ZNF385D: variants seen among roughly 807,000 people sequenced by gnomAD.
The protein encoded by ZNF385D is zinc finger protein 385D.
In ZNF385D, 15 loss-of-function variants were observed where a neutral mutation model predicts 35.8. The observed-to-expected ratio is 0.42, with a 90% CI of 0.28 to 0.64. The LOEUF (loss-of-function observed/expected upper bound fraction) is 0.64. Ranked by LOEUF, ZNF385D falls within the 30% of genes least tolerant of loss-of-function variation. The pLI, the probability that ZNF385D is intolerant of heterozygous loss-of-function variation, is 0.23. For missense variants in ZNF385D, 474 were observed against 494.6 expected (o/e 0.96, Z 0.39); for synonymous variants, 212 against 186.8 (o/e 1.13, Z -1.10).
chr3:22,303,931 C>T (rs1287263166), intron 2 of ZNF385D, among the ~76,000 whole-genome samples: 1 of 152,126 alleles, frequency 6.6e-6, no homozygotes, highest in Non-Finnish European at 1.5e-5. Context: ...GCATGTGCCA[C>T]CACGCCCGGC....
At chr3:22,128,324 T>A (rs1161854208) in intron 3 of ZNF385D, among the ~76,000 whole-genome samples, 2 of 152,164 alleles carry the variant, frequency 1.3e-5, no homozygotes, top group African/African-American at 4.8e-5. Flanking sequence ...TTTCCCTTAT[T>A]CTTGACTTTT....
At chr3:22,205,723 A>T (rs558218234) in intron 2 of ZNF385D, among the ~76,000 whole-genome samples, 2 of 152,110 alleles carry the variant, frequency 1.3e-5, no homozygotes, top group African/African-American at 4.8e-5. Context: ...TGCAAGCCCC[A>T]TGGTAACTCC....
intron 2 of ZNF385D, among the ~76,000 whole-genome samples, chr3:22,242,101 G>C (rs1699530009): frequency 6.6e-6 from 1 of 150,704 alleles, no homozygotes; most frequent in African/African-American, 2.5e-5. Context: ...GGGAGGGATA[G>C]CACTGGGAGA....
chr3:22,282,064 C>T (rs1013663164), intron 2 of ZNF385D, among the ~76,000 whole-genome samples: 2 of 151,836 alleles, frequency 1.3e-5, no homozygotes, highest in Non-Finnish European at 1.5e-5. Context: ...TGGACGATCC[C>T]TTGTATTTCT....
At chr3:21,901,476 T>C (rs1040362003) in intron 3 of ZNF385D, among the ~76,000 whole-genome samples, 1 of 152,170 alleles carries the variant, frequency 6.6e-6, no homozygotes, top group African/African-American at 2.4e-5. Flanking sequence ...GTAATAATAG[T>C]GTGGGAGTAG....
intron 3 of ZNF385D, among the ~76,000 whole-genome samples, chr3:21,521,769 G>A (rs969050016): frequency 1.3e-5 from 2 of 151,800 alleles, no homozygotes; most frequent in Admixed American, 6.6e-5. Context: ...CCCCAAAAAC[G>A]TCTCTATAAA....
chr3:21,907,075 G>A (rs1296913798), intron 3 of ZNF385D, among the ~76,000 whole-genome samples: 1 of 152,026 alleles, frequency 6.6e-6, no homozygotes, highest in Non-Finnish European at 1.5e-5. Context: ...TAGGCCATTT[G>A]AAAACACATT....
At chr3:21,825,822 A>C (rs1478908628) in intron 3 of ZNF385D, among the ~76,000 whole-genome samples, 3 of 152,206 alleles carry the variant, frequency 2.0e-5, no homozygotes, top group Non-Finnish European at 4.4e-5. Context: ...CTCGCTTGTT[A>C]GGAACCAGGC....
In ZNF385D at chr3:21,896,677, C is replaced by T. The variant is rs7611023; in HGVS notation, c.326-231649G>A. ...AAATTACAGTATTATTTTTCTGATG[C>T]AATGATGCATGGATATGAGAGACGC... On this transcript the variant is annotated intron_variant, in intron 3 of 5. Coordinates refer to the ZNF385D transcript ENST00000494108. Among the ~76,000 whole-genome samples the T allele has an allele frequency of 6.8e-3, 1,037 of 152,168 alleles. 11 individuals are homozygous for T. The highest frequency in any genetic ancestry group is 0.024 in the African/African-American group (983 of 41,512).
chr3:22,112,020 C>T (rs1488234988), intron 3 of ZNF385D, among the ~76,000 whole-genome samples: 1 of 152,056 alleles, frequency 6.6e-6, no homozygotes, highest in Non-Finnish European at 1.5e-5. Context: ...GACATTTTAC[C>T]CTGCTCTACT....
intron 3 of ZNF385D, among the ~76,000 whole-genome samples, chr3:21,944,177 C>A (rs912014181): frequency 6.6e-6 from 1 of 152,182 alleles, no homozygotes; most frequent in Non-Finnish European, 1.5e-5. Flanking sequence ...ACTTACCCAG[C>A]AGCATTGCAC....
At position 21,489,592 on chromosome 3, in the gene ZNF385D, C is replaced by G. The variant is rs114691382; in HGVS notation, c.439+21269G>C. Among the ~76,000 whole-genome samples the G allele has an allele frequency of 5.5e-3, 838 of 152,244 alleles. 7 individuals are homozygous for G. Among genetic ancestry groups the G allele is most frequent in the Admixed American group, 8.0e-3 (122 of 15,274 alleles). Reference sequence around the variant, plus strand: ...CTATCTATTTTTAGACATGTGATGTCAAACCAACCAATTGATGCAGTCATT... The same window carrying G: ...CTATCTATTTTTAGACATGTGATGTGAAACCAACCAATTGATGCAGTCATT... On this transcript the variant is annotated intron_variant, in intron 4 of 7. Transcript: ENST00000281523.
intron 2 of ZNF385D, among the ~76,000 whole-genome samples, chr3:22,199,747 G>C (rs995822507): frequency 6.6e-6 from 1 of 152,052 alleles, no homozygotes; most frequent in Non-Finnish European, 1.5e-5. Context: ...TCTAAATGAG[G>C]TATGGCTAAC....
At chr3:22,135,837 C>A (rs902841543) in intron 3 of ZNF385D, among the ~76,000 whole-genome samples, 13 of 151,994 alleles carry the variant, frequency 8.6e-5, no homozygotes, top group Admixed American at 3.9e-4. Context: ...ACAAGTACAG[C>A]CAACTGATAC....
At chr3:22,111,600 C>A (rs1306924198) in intron 3 of ZNF385D, among the ~76,000 whole-genome samples, 1 of 152,108 alleles carries the variant, frequency 6.6e-6, no homozygotes. Flanking sequence ...TCAACCATTG[C>A]TGATTCCCTA....
At chr3:21,701,542 C>T (rs1007192075) in intron 1 of ZNF385D, among the ~76,000 whole-genome samples, 2 of 152,198 alleles carry the variant, frequency 1.3e-5, no homozygotes, top group South Asian at 4.2e-4. Flanking sequence ...AATCTCATGT[C>T]CTCACATTTC....
intron 3 of ZNF385D, among the ~76,000 whole-genome samples, chr3:22,132,288 C>G (rs1448217182): frequency 6.6e-6 from 1 of 152,090 alleles, no homozygotes; most frequent in Admixed American, 6.6e-5. Flanking sequence ...ACACATGAAA[C>G]AGTGCCATCT....
intron 1 of ZNF385D, among the ~76,000 whole-genome samples, chr3:21,748,509 T>C (rs1364058537): frequency 2.6e-5 from 4 of 152,146 alleles, no homozygotes; most frequent in Admixed American, 2.0e-4. Flanking sequence ...ACCCGTACCA[T>C]AGCATCACCA....
At chr3:22,337,842 A>G (rs1695242447) in intron 2 of ZNF385D, among the ~76,000 whole-genome samples, 1 of 152,232 alleles carries the variant, frequency 6.6e-6, no homozygotes, top group Non-Finnish European at 1.5e-5. Flanking sequence ...AGGAGCTATC[A>G]CTGTTTTGTT....
Sources: gnomAD v4.1 joint callset for allele counts (sites outside exome capture counted in the v4.1 genomes callset) on GRCh38, gnomAD v4.1.1 for gene constraint, MANE v1.5 for transcripts, NCBI Gene and HGNC (gene_info 2026-07-23, HGNC 2026-07-21) for gene names.